PUM2: variants seen among roughly 807,000 people sequenced by gnomAD.
PUM2 encodes pumilio homolog 2.
PUM2 carries 57 observed loss-of-function variants against 124.5 expected under a neutral mutation model. That is an observed-to-expected ratio of 0.46 (90% CI 0.37 to 0.57). The LOEUF (loss-of-function observed/expected upper bound fraction) is 0.57. PUM2 is among the 20% of genes least tolerant of loss of function. The pLI is 0.00. For missense variants in PUM2, 1,065 were observed against 1,290.6 expected, an observed-to-expected ratio of 0.83 and a Z score of 2.68; for synonymous variants, 460 against 446.1, an observed-to-expected ratio of 1.03 and a Z score of -0.39.
At chr2:20,327,427 A>T in intron 1 of PUM2, 49 bp from the exon 2 acceptor site, 1 of 1,133,884 alleles carries the variant, frequency 8.8e-7, no homozygotes, top group South Asian at 1.3e-5. Flanking sequence ...GTTTAAACAG[A>T]CTTCTTCAAC....
In PUM2 at chr2:20,311,526, T is replaced by C. The variant is rs1203248113; in HGVS notation, c.486A>G (p.Pro162=). The change falls in exon 5 of 21, where the codon CCA becomes CCG. Residue 162 remains proline, a synonymous_variant. Transcript: ENST00000361078. ...DDSKINGRGL[P]NGMDADCKDF... ...CTTTGCAATCGGCATCCATTCCATT[T>C]GGCAAACCTCTGCCATTTATTTTAG... 6.2e-7 allele frequency: 1 copy of C among 1,610,786 alleles called. No homozygotes were observed. Among genetic ancestry groups the C allele is most frequent in the African/African-American group, 1.3e-5 (1 of 74,866 alleles).
intron 7 of PUM2, among the ~76,000 whole-genome samples, chr2:20,300,665 G>A (rs1029451634): frequency 2.0e-5 from 3 of 151,656 alleles, no homozygotes; most frequent in African/African-American, 7.3e-5. Flanking sequence ...TCAGGTTAGT[G>A]AAAGGAAAAT....
At chr2:20,262,571 T>C (rs1303005512) in intron 14 of PUM2, among the ~76,000 whole-genome samples, 1 of 152,240 alleles carries the variant, frequency 6.6e-6, no homozygotes, top group Non-Finnish European at 1.5e-5. Flanking sequence ...CATGACTGTA[T>C]AGGGAGACAA....
intron 13 of PUM2, among the ~76,000 whole-genome samples, chr2:20,277,248 C>G (rs1247171109): frequency 6.6e-6 from 1 of 152,060 alleles, no homozygotes; most frequent in Non-Finnish European, 1.5e-5. Context: ...ATTTTTGTGT[C>G]CATTTCATAG....
intron 13 of PUM2, among the ~76,000 whole-genome samples, chr2:20,269,219 G>C (rs1192446478): frequency 6.6e-6 from 1 of 151,662 alleles, no homozygotes; most frequent in African/African-American, 2.4e-5. Context: ...TATTATTTTT[G>C]AGACGGAGTG....
chr2:20,267,522 T>C (rs1667984398), intron 13 of PUM2, among the ~76,000 whole-genome samples: 1 of 152,194 alleles, frequency 6.6e-6, no homozygotes, highest in Non-Finnish European at 1.5e-5. Context: ...AAACAGGTCA[T>C]CCATATTCAT....
intron 15 of PUM2, among the ~76,000 whole-genome samples, chr2:20,259,915 TC>T (rs1665758352): frequency 6.6e-6 from 1 of 152,220 alleles, no homozygotes; most frequent in African/African-American, 2.4e-5. Flanking sequence ...GGCTCTAATT[TC>T]TCCATATCCT....
chr2:20,328,253 C>A (rs1476249561), intron 1 of PUM2, among the ~76,000 whole-genome samples: 2 of 152,184 alleles, frequency 1.3e-5, no homozygotes, highest in African/African-American at 4.8e-5. Flanking sequence ...TTGCTTGAAT[C>A]TGGGAGACAG....
intron 14 of PUM2, among the ~76,000 whole-genome samples, chr2:20,260,807 T>C (rs1469845252): frequency 6.6e-6 from 1 of 152,162 alleles, no homozygotes; most frequent in Non-Finnish European, 1.5e-5. Context: ...TTTTAGAACA[T>C]AATAAAGGAA....
At position 20,297,675 on chromosome 2, in the gene PUM2, C is replaced by G; in HGVS notation, c.887G>C (p.Gly296Ala). ...LAAAQQPHIAGVFSAGLAPAA... is the reference protein window; with the variant it reads ...LAAAQQPHIAAVFSAGLAPAA... ...TGGAGCAAGGCCTGCTGAGAATACA[C>G]CAGCTATATTTTAAAAGGGGAGAAA... Residue 296 changes from glycine (G) to alanine (A), a missense_variant, in exon 8 of 21, where the codon GGT (glycine) becomes GCT (alanine). Gly to Ala is a moderately conservative substitution (Grantham distance 60, BLOSUM62 0). This residue lies in a region of PUM2 where 968 missense variants were observed against 1,159.8 expected (regional missense o/e 0.83). Transcript: ENST00000361078. The G allele has an allele frequency of 6.2e-7, 1 of 1,607,196 alleles. No homozygotes were observed. The highest frequency in any genetic ancestry group is 8.5e-7 in the Non-Finnish European group (1 of 1,177,400).
rs949326111 is a variant in PUM2 at position 20,283,285 on chromosome 2, T to A, written c.1436-54A>T. 27 of 1,606,202 alleles carry A rather than the reference T, an allele frequency of 1.7e-5. No homozygotes were observed. The Admixed American group carries it at 3.9e-4, about 23-fold the overall frequency. On this transcript the variant is annotated intron_variant, in intron 11 of 20. Transcript: ENST00000361078. Reference sequence around the variant, plus strand: ...AAACCACCCAGAAAATTCTGTATTTTAAAAATGGTATCTCAACACCAGAAA... The same window carrying A: ...AAACCACCCAGAAAATTCTGTATTTAAAAAATGGTATCTCAACACCAGAAA...
At position 20,268,043 on chromosome 2, in the gene PUM2, G is replaced by GT. The variant is rs368912759; in HGVS notation, c.1958-4584dup. Among the ~76,000 whole-genome samples the GT allele has an allele frequency of 6.5e-3, 995 of 152,278 alleles. 6 individuals carry two copies. Among genetic ancestry groups the GT allele is most frequent in the African/African-American group, 0.022 (919 of 41,544 alleles). Reference sequence around the variant, plus strand: ...GGGGCAAGGGGTGCTGGGGGAGACCGTAAGTGAAACCACCACAAAATAAAG... The same window carrying GT: ...GGGGCAAGGGGTGCTGGGGGAGACCGTTAAGTGAAACCACCACAAAATAAAG... On this transcript the variant is annotated intron_variant, in intron 13 of 20. Coordinates refer to ENST00000361078, the MANE Select transcript of PUM2 (RefSeq NM_015317.5).
At chr2:20,286,318 C>A (rs553875787) in intron 10 of PUM2, among the ~76,000 whole-genome samples, 1 of 152,258 alleles carries the variant, frequency 6.6e-6, no homozygotes, top group East Asian at 1.9e-4. Flanking sequence ...ATTCGGAGAA[C>A]CCTAGAGATT....
intron 2 of PUM2, among the ~76,000 whole-genome samples, chr2:20,325,471 T>C (rs1683433805): frequency 6.6e-6 from 1 of 152,236 alleles, no homozygotes; most frequent in Non-Finnish European, 1.5e-5. Flanking sequence ...TTTCAGATCA[T>C]GACATTTTTT....
intron 3 of PUM2, among the ~76,000 whole-genome samples, chr2:20,317,941 G>A (rs1048274215): frequency 2.2e-4 from 33 of 152,050 alleles, no homozygotes; most frequent in Admixed American, 7.2e-4. Context: ...CCCTAGTATT[G>A]ATGGGCATTT....
chr2:20,308,282 A>C (rs754142476), intron 6 of PUM2, 32 bp downstream of exon 6: 1 of 1,604,542 alleles, frequency 6.2e-7, no homozygotes, highest in East Asian at 2.2e-5. Context: ...TACAGTTAAG[A>C]GGACCTTCTT....
chr2:20,273,094 A>C (rs1176335813), intron 13 of PUM2, among the ~76,000 whole-genome samples: 2 of 152,214 alleles, frequency 1.3e-5, no homozygotes, highest in African/African-American at 4.8e-5. Flanking sequence ...GGGATGGTGT[A>C]AATTACAGGT....
At chr2:20,263,097 A>G in intron 14 of PUM2, 96 bp downstream of exon 14, 1 of 1,239,060 alleles carries the variant, frequency 8.1e-7, no homozygotes, top group Non-Finnish European at 1.1e-6. Flanking sequence ...AAAAGCTTCC[A>G]ACTTTAATGC....
chr2:20,336,667 C>T (rs1045566416), intron 1 of PUM2, among the ~76,000 whole-genome samples: 2 of 142,040 alleles, frequency 1.4e-5, no homozygotes, highest in Non-Finnish European at 3.0e-5. Context: ...CAGGTGCCAC[C>T]AGGCCTGGCT....
Sources: gnomAD v4.1 joint callset for allele counts (sites outside exome capture counted in the v4.1 genomes callset) on GRCh38, gnomAD v4.1.1 for gene constraint, gnomAD v4.1.1 regional missense constraint, MANE v1.5 for transcripts, NCBI Gene and HGNC (gene_info 2026-07-23, HGNC 2026-07-21) for gene names.